ARSG: variants seen among roughly 807,000 people sequenced by gnomAD.
ARSG encodes the protein ASG.
ARSG carries 37 observed loss-of-function variants against 50.5 expected under a neutral mutation model. The observed-to-expected ratio is 0.73, with a 90% CI of 0.56 to 0.96. The LOEUF (loss-of-function observed/expected upper bound fraction) is 0.96. ARSG is among the 50% of genes least tolerant of loss of function. The pLI, the probability that ARSG is intolerant of heterozygous loss-of-function variation, is 0.00. For synonymous variants in ARSG, 225 were observed against 254.6 expected (o/e 0.88, Z 1.11); for missense variants, 629 against 675.3 (o/e 0.93, Z 0.76).
chr17:68,357,705 G>A (rs569887613), intron 6 of ARSG, among the ~76,000 whole-genome samples: 9 of 152,198 alleles, frequency 5.9e-5, no homozygotes, highest in Admixed American at 1.3e-4. Flanking sequence ...CAGGATGAAC[G>A]TAAGGCATTA....
chr17:68,404,274 G>A (rs2081609925), intron 11 of ARSG, among the ~76,000 whole-genome samples: 1 of 152,308 alleles, frequency 6.6e-6, no homozygotes, highest in South Asian at 2.1e-4. Flanking sequence ...GATCCTTGAG[G>A]AATCGCCACA....
In ARSG at chr17:68,271,071, G is replaced by A. The variant is rs141291987; in HGVS notation, c.-552+11645G>A. The A allele has an allele frequency of 6.9e-5, 112 of 1,614,156 alleles. No individual in the cohort carries two copies. In the African/African-American group the frequency reaches 1.4e-3, roughly 20 times the overall value. On this transcript the variant is annotated intron_variant, in intron 1 of 11. Coordinates refer to the ARSG transcript ENST00000448504. This position sits in a 1 kb window ranked among gnomAD's most constrained non-coding sequence, Gnocchi z 5.3. ...ACACAGTCAATAAGATGACGCAGAT[G>A]AGCTCAATGTAAATCTTACGAATGG...
chr17:68,378,205 T>C lies in ARSG; in HGVS notation c.983-6859T>C, dbSNP rs1025875753. Among the ~76,000 whole-genome samples the C allele has an allele frequency of 3.3e-5, 5 of 152,154 alleles. No individual in the cohort carries two copies. Among genetic ancestry groups the C allele is most frequent in the African/African-American group, 7.2e-5 (3 of 41,424 alleles). ...TCAGTGGGACATCTGCACGGCTCAC[T>C]GTACAGGGGCCAGACTCAAGAGCAG... On this transcript the variant is annotated intron_variant, in intron 8 of 11. Transcript: ENST00000621439. This position sits in a 1 kb window ranked among gnomAD's most constrained non-coding sequence, Gnocchi z 4.4.
intron 1 of ARSG, among the ~76,000 whole-genome samples, chr17:68,276,744 A>G (rs2075536799): frequency 6.6e-6 from 1 of 152,050 alleles, no homozygotes; most frequent in African/African-American, 2.4e-5. Context: ...GTGAGCCACC[A>G]TGCCCAGCTT....
the ARSG span, chr17:68,436,563 G>C: frequency 8.0e-7 from 1 of 1,251,118 alleles, no homozygotes; most frequent in Non-Finnish European, 1.1e-6. Flanking sequence ...AAACAGTACA[G>C]CTACAGTGCC....
chr17:68,292,162 C>G (rs1277687012), intron 1 of ARSG, among the ~76,000 whole-genome samples: 1 of 152,030 alleles, frequency 6.6e-6, no homozygotes, highest in Admixed American at 6.5e-5. Flanking sequence ...GCAGCGGCAG[C>G]AACAGCATCC....
intron 11 of ARSG, among the ~76,000 whole-genome samples, chr17:68,409,616 G>C (rs2147333985): frequency 6.6e-6 from 1 of 151,262 alleles, no homozygotes; most frequent in Non-Finnish European, 1.5e-5. Flanking sequence ...CTCTTTTTTG[G>C]TTCCATATGA....
intron 1 of ARSG, chr17:68,274,322 C>G (rs551801599): frequency 6.1e-6 from 2 of 326,740 alleles, no homozygotes; most frequent in East Asian, 5.5e-5. Context: ...AAAAATTAGC[C>G]AGGCATGGTG....
rs76146503 is a variant in ARSG, at chr17:68,404,432, G to A, written c.1303+2982G>A. 3.3e-3 allele frequency among the ~76,000 whole-genome samples: 510 copies of A among 152,284 alleles called. 3 individuals are homozygous for A. In the East Asian group the frequency reaches 0.043, roughly 13 times the overall value. ...GTGAGGTTTTATAAATGTAGATACC[G>A]TGTATGTACCCTTTTAATGGTGTGA... is the stretch of plus-strand genomic sequence containing the variant. On this transcript the variant is annotated intron_variant, in intron 11 of 11. Transcript: ENST00000621439.
At chr17:68,426,248 G>GGGGGGGGGGGGT, downstream of ARSG, 1 of 832,028 alleles carries the variant, frequency 1.2e-6, no homozygotes, top group Non-Finnish European at 1.9e-6. Context: ...CGGGTGGGGA[G>GGGGGGGGGGGGT]CGGGGGCTCA....
intron 2 of ARSG, among the ~76,000 whole-genome samples, chr17:68,318,523 C>T (rs570590483): frequency 6.6e-6 from 1 of 152,316 alleles, no homozygotes; most frequent in East Asian, 1.9e-4. Context: ...GGGAGAGAGA[C>T]AGAGAATGCC....
chr17:68,398,114 T>C (rs1027207395), intron 10 of ARSG, among the ~76,000 whole-genome samples: 14 of 152,196 alleles, frequency 9.2e-5, no homozygotes, highest in African/African-American at 3.1e-4. Context: ...TGTATGCATA[T>C]CCACATCTGT....
At position 68,316,731 on chromosome 17, in the gene ARSG, C is replaced by T. The variant is rs1173670065; in HGVS notation, c.218+9020C>T. On this transcript the variant is annotated intron_variant, in intron 2 of 11. Transcript: ENST00000621439. ...GGTCATATAAGGCAGCAAAAGGGTC[C>T]CTGGCATGTATTGGTGCTTGATGGG... is the stretch of plus-strand genomic sequence containing the variant. Among the ~76,000 whole-genome samples, 5 of 152,096 alleles carry T rather than the reference C, an allele frequency of 3.3e-5. No individual in the cohort carries two copies. In the East Asian group the frequency reaches 9.6e-4, roughly 29 times the overall value.
At chr17:68,389,238 C>T (rs2080879524) in intron 9 of ARSG, among the ~76,000 whole-genome samples, 1 of 152,152 alleles carries the variant, frequency 6.6e-6, no homozygotes, top group Non-Finnish European at 1.5e-5. Context: ...ACCCCCACCC[C>T]CACTCTTGGC....
chr17:68,451,064 C>T, the ARSG span, among the ~76,000 whole-genome samples: 4 of 152,250 alleles, frequency 2.6e-5, no homozygotes, highest in African/African-American at 9.6e-5. Flanking sequence ...CCATGCCCCC[C>T]ACCCTGCCAG....
chr17:68,372,813 A>G (rs886886397), intron 8 of ARSG, among the ~76,000 whole-genome samples: 4 of 151,388 alleles, frequency 2.6e-5, no homozygotes, highest in Non-Finnish European at 4.4e-5. Context: ...TGGCAGGATA[A>G]TTGTAGTTAC....
chr17:68,382,586 C>T (rs1234674649), intron 8 of ARSG, among the ~76,000 whole-genome samples: 2 of 152,336 alleles, frequency 1.3e-5, no homozygotes, highest in African/African-American at 2.4e-5. Flanking sequence ...TAAAACACAA[C>T]ACGCCTGTTT....
Position 68,343,664 on chromosome 17 carries a change from C to T in ARSG, c.279C>T (p.Thr93=), listed in dbSNP as rs200863282. ...TCSPSRASLL[T]GRLGLRNGVT... ...CACCCTCCCGGGCTTCCTTGCTCAC[C>T]GGCCGGCTTGGCCTTCGCAATGGAG... Residue 93 remains threonine, a synonymous_variant, in exon 3 of 12, where the codon ACC becomes ACT. Transcript: ENST00000621439. 1.7e-5 allele frequency: 27 copies of T among 1,614,078 alleles called. No individual in the cohort carries two copies. The highest frequency in any genetic ancestry group is 1.1e-4 in the East Asian group (5 of 44,876).
chr17:68,416,138 T>A (rs932794217), intron 11 of ARSG, among the ~76,000 whole-genome samples: 1 of 152,256 alleles, frequency 6.6e-6, no homozygotes, highest in Non-Finnish European at 1.5e-5. Context: ...GTGAGCTTTA[T>A]GCTTTAAAGA....
Sources: gnomAD v4.1 joint callset for allele counts (sites outside exome capture counted in the v4.1 genomes callset) on GRCh38, gnomAD v4.1.1 for gene constraint, Gnocchi (gnomAD v3.1) non-coding constraint, MANE v1.5 for transcripts, NCBI Gene and HGNC (gene_info 2026-07-23, HGNC 2026-07-21) for gene names.